Variants in AGBL1 observed in about 807,000 individuals in gnomAD.
The protein encoded by AGBL1 is AGBL carboxypeptidase 1.
A neutral mutation model predicts 118.9 loss-of-function variants in AGBL1; 130 were observed. That is an observed-to-expected ratio of 1.09 (90% CI 0.95 to 1.26). AGBL1 has a LOEUF of 1.26. AGBL1 is among the 50% of genes most tolerant of loss of function. The pLI is 0.00. For synonymous variants in AGBL1, 555 were observed against 478.9 expected (o/e 1.16, Z -2.08); for missense variants, 1,584 against 1,298.1 (o/e 1.22, Z -3.38).
chr15:86,143,015 A>G lies in AGBL1; in HGVS notation c.116-684A>G, dbSNP rs557083866. 2.6e-5 allele frequency among the ~76,000 whole-genome samples: 4 copies of G among 152,336 alleles called. No homozygotes were observed. The South Asian group carries it at 8.3e-4, about 32-fold the overall frequency. On this transcript the variant is annotated intron_variant, in intron 2 of 22. Coordinates refer to ENST00000614907, the MANE Select transcript of AGBL1 (RefSeq NM_001386094.1). Reference sequence around the variant, plus strand: ...CAACTTTGCCCCGTACATAGAGAGAATCAACCAAGGCCAAGTTGTAATGAA... The same window carrying G: ...CAACTTTGCCCCGTACATAGAGAGAGTCAACCAAGGCCAAGTTGTAATGAA...
At chr15:86,787,384 T>A (rs1329591491) in intron 22 of AGBL1, among the ~76,000 whole-genome samples, 1 of 152,138 alleles carries the variant, frequency 6.6e-6, no homozygotes. Context: ...TCATTCTATG[T>A]AACTGCAAAT....
rs537288490 is a variant in AGBL1, at chr15:86,485,728, T to G, written c.2556-37082T>G. Among the ~76,000 whole-genome samples the G allele has an allele frequency of 9.9e-5, 15 of 152,240 alleles. No individual in the cohort carries two copies. The South Asian group carries it at 3.1e-3, about 32-fold the overall frequency. ...GTCAGATGTGGCCTGTGGACCGTAG[T>G]TTGCAAACTCCTAAAACATATTGAG... On this transcript the variant is annotated intron_variant, in intron 18 of 22. Coordinates refer to ENST00000614907, the MANE Select transcript of AGBL1 (RefSeq NM_001386094.1).
intron 16 of AGBL1, among the ~76,000 whole-genome samples, chr15:86,289,415 T>C (rs1022265856): frequency 5.3e-5 from 8 of 152,176 alleles, no homozygotes; most frequent in Non-Finnish European, 1.0e-4. Context: ...AACTTATACT[T>C]CTCCATTAAC....
chr15:86,683,145 G>A (rs1331182698), intron 22 of AGBL1, among the ~76,000 whole-genome samples: 1 of 151,980 alleles, frequency 6.6e-6, no homozygotes, highest in Non-Finnish European at 1.5e-5. Flanking sequence ...CAGATGGGGG[G>A]GCATTAAATG....
intron 5 of AGBL1, among the ~76,000 whole-genome samples, chr15:86,214,028 T>A (rs1278659542): frequency 6.6e-6 from 1 of 152,226 alleles, no homozygotes; most frequent in East Asian, 1.9e-4. Flanking sequence ...TATTTGTCTT[T>A]GTATGAATGA....
intron 22 of AGBL1, among the ~76,000 whole-genome samples, chr15:86,856,710 G>T (rs551991814): frequency 1.3e-5 from 2 of 152,316 alleles, no homozygotes; most frequent in South Asian, 4.1e-4. Flanking sequence ...GTGCAAAAAA[G>T]TTAGTTACCT....
intron 24 of AGBL1, among the ~76,000 whole-genome samples, chr15:87,015,638 A>G (rs966074041): frequency 4.6e-5 from 7 of 152,116 alleles, no homozygotes; most frequent in African/African-American, 1.7e-4. Flanking sequence ...ATGTGCATAA[A>G]TAAATCTATT....
At chr15:86,982,498 A>G (rs562594803) in intron 23 of AGBL1, among the ~76,000 whole-genome samples, 1 of 151,418 alleles carries the variant, frequency 6.6e-6, no homozygotes, top group African/African-American at 2.4e-5. Context: ...TTACTTATAC[A>G]TGGATTCTTT....
chr15:86,089,404 T>C (rs1895876623), intron 1 of AGBL1, among the ~76,000 whole-genome samples: 1 of 152,116 alleles, frequency 6.6e-6, no homozygotes, highest in African/African-American at 2.4e-5. Flanking sequence ...TAAAATAATA[T>C]AAGCAATAGA....
At chr15:86,786,543 A>G (rs968208103) in intron 22 of AGBL1, among the ~76,000 whole-genome samples, 18 of 152,216 alleles carry the variant, frequency 1.2e-4, no homozygotes, top group African/African-American at 3.9e-4. Context: ...AATATCACAA[A>G]TAAAATGGTT....
At chr15:86,483,586 A>G (rs2082678501) in intron 18 of AGBL1, among the ~76,000 whole-genome samples, 1 of 151,836 alleles carries the variant, frequency 6.6e-6, no homozygotes. Context: ...TTAAAATTTT[A>G]TTTTTATTTT....
chr15:86,340,629 C>T (rs952910091), intron 17 of AGBL1, among the ~76,000 whole-genome samples: 1 of 152,120 alleles, frequency 6.6e-6, no homozygotes, highest in African/African-American at 2.4e-5. Flanking sequence ...GATTTCTGGC[C>T]TCCAGAAGTG....
intron 22 of AGBL1, among the ~76,000 whole-genome samples, chr15:86,825,671 G>A (rs1211809193): frequency 7.0e-6 from 1 of 143,744 alleles, no homozygotes; most frequent in African/African-American, 2.6e-5. Context: ...GAAAGAGGGA[G>A]GGAGGAAGGA....
intron 17 of AGBL1, among the ~76,000 whole-genome samples, chr15:86,388,754 C>T (rs377548686): frequency 1.2e-4 from 18 of 152,268 alleles, no homozygotes; most frequent in South Asian, 4.1e-4. Flanking sequence ...CTAAGTTTTT[C>T]GCTTGCTTTC....
At chr15:86,960,623 C>A (rs1048694774) in intron 23 of AGBL1, among the ~76,000 whole-genome samples, 10 of 151,422 alleles carry the variant, frequency 6.6e-5, no homozygotes, top group Admixed American at 5.3e-4. Context: ...GGCTATATAT[C>A]CCCCCCAAAA....
At chr15:86,400,980 A>G (rs1424996160) in intron 18 of AGBL1, among the ~76,000 whole-genome samples, 1 of 152,082 alleles carries the variant, frequency 6.6e-6, no homozygotes, top group Non-Finnish European at 1.5e-5. Context: ...GATCCCCAGT[A>G]GTGGGATTAC....
chr15:86,729,122 C>T (rs1314664171), intron 22 of AGBL1, among the ~76,000 whole-genome samples: 1 of 152,172 alleles, frequency 6.6e-6, no homozygotes, highest in Non-Finnish European at 1.5e-5. Flanking sequence ...TGGCAAGTTT[C>T]TGGGAATTGA....
At chr15:86,445,448 G>T (rs118114836) in intron 18 of AGBL1, among the ~76,000 whole-genome samples, 1 of 152,322 alleles carries the variant, frequency 6.6e-6, no homozygotes, top group East Asian at 1.9e-4. Context: ...AGTTGATGTG[G>T]TCAACTCTCT....
intron 6 of AGBL1, among the ~76,000 whole-genome samples, chr15:86,243,860 A>T (rs2078676015): frequency 6.6e-6 from 1 of 151,818 alleles, no homozygotes; most frequent in African/African-American, 2.4e-5. Context: ...AATACAAAAA[A>T]ATTAGCAAAA....
Sources: gnomAD v4.1 joint callset for allele counts (sites outside exome capture counted in the v4.1 genomes callset) on GRCh38, gnomAD v4.1.1 for gene constraint, MANE v1.5 for transcripts, NCBI Gene and HGNC (gene_info 2026-07-23, HGNC 2026-07-21) for gene names.